The following TBXAS1 variants were observed in gnomAD, a reference collection of about 807,000 sequenced individuals.
TBXAS1 encodes the protein thromboxane A synthase 1.
A neutral mutation model predicts 60.7 loss-of-function variants in TBXAS1; 48 were observed. The ratio of observed to expected loss-of-function variants is 0.79; its 90% confidence interval spans 0.63 to 1.01. The LOEUF (loss-of-function observed/expected upper bound fraction) is 1.01, where lower values mean the gene tolerates loss of function less well. Ranked by LOEUF, TBXAS1 falls within the 50% of genes least tolerant of loss-of-function variation. TBXAS1 has a pLI of 0.00. For missense variants in TBXAS1, 685 were observed against 686.3 expected (o/e 1.00, Z 0.02); for synonymous variants, 287 against 269.7 (o/e 1.06, Z -0.63).
At position 139,882,323 on chromosome 7, in the gene TBXAS1, GGT is replaced by G. The variant is rs8192815; in HGVS notation, c.236+6688_236+6689del. ...GAACATGTGGCTGAGGATAGGGTAG[GGT>G]GGAAACTATTGCTGATTTGTCCAAG... On this transcript the variant is annotated intron_variant, in intron 3 of 12. Transcript: ENST00000448866. Among the ~76,000 whole-genome samples, 199 of 152,280 alleles carry G rather than the reference GGT, an allele frequency of 1.3e-3. 1 individual carries two copies. The East Asian group carries it at 0.026, about 20-fold the overall frequency.
intron 3 of TBXAS1, among the ~76,000 whole-genome samples, chr7:139,783,839 C>G (rs143131884): frequency 0.016 from 2,398 of 152,230 alleles, 23 homozygotes; most frequent in Non-Finnish European, 0.027. Context: ...ACTCTTTGCT[C>G]TGAGGTTGCC....
intron 5 of TBXAS1, among the ~76,000 whole-genome samples, chr7:139,939,958 G>A (rs141007363): frequency 6.6e-5 from 10 of 152,358 alleles, no homozygotes; most frequent in Middle Eastern, 3.4e-3. Flanking sequence ...TCTGTTTCAT[G>A]CTCCATAGAT....
At chr7:139,790,719 T>A (rs1198497229) in intron 4 of TBXAS1, among the ~76,000 whole-genome samples, 1 of 152,246 alleles carries the variant, frequency 6.6e-6, no homozygotes. Flanking sequence ...GGCTTAGGAC[T>A]CCATATTACA....
At chr7:139,827,229 G>A (rs563852482), upstream of TBXAS1, among the ~76,000 whole-genome samples, 4 of 152,286 alleles carry the variant, frequency 2.6e-5, no homozygotes, top group South Asian at 2.1e-4. Flanking sequence ...AAATGTACCT[G>A]TGACCATCCT....
chr7:139,951,593 TAAAAAAAAAA>T (rs66551791), intron 5 of TBXAS1, among the ~76,000 whole-genome samples: 108 of 66,314 alleles, frequency 1.6e-3, no homozygotes, highest in South Asian at 9.8e-3. Flanking sequence ...CCGTCTCTAC[TAAAAAAAAAA>T]AAAAAAAAAA....
At chr7:139,886,386 A>ATTT (rs8192818) in intron 3 of TBXAS1, among the ~76,000 whole-genome samples, 18 of 99,624 alleles carry the variant, frequency 1.8e-4, no homozygotes, top group Non-Finnish European at 2.6e-4. Context: ...TTGCAGATGA[A>ATTT]TTTTTTTTTT....
chr7:139,894,926 G>T (rs1475947631), intron 3 of TBXAS1, among the ~76,000 whole-genome samples: 1 of 152,202 alleles, frequency 6.6e-6, no homozygotes, highest in African/African-American at 2.4e-5. Context: ...CCCAAAGAAA[G>T]CTGACATCTA....
At chr7:139,943,734 A>G (rs1233149154) in intron 5 of TBXAS1, among the ~76,000 whole-genome samples, 1 of 152,176 alleles carries the variant, frequency 6.6e-6, no homozygotes, top group East Asian at 1.9e-4. Context: ...CATAAAAAGG[A>G]GTCGTGGATG....
intron 1 of TBXAS1, among the ~76,000 whole-genome samples, chr7:139,840,844 C>T (rs1241727241): frequency 6.6e-6 from 1 of 152,210 alleles, no homozygotes; most frequent in Non-Finnish European, 1.5e-5. Flanking sequence ...GAGAGCGCCT[C>T]GGAGGTCGTG....
intron 9 of TBXAS1, among the ~76,000 whole-genome samples, chr7:139,965,486 G>A (rs912324044): frequency 6.6e-6 from 1 of 152,090 alleles, no homozygotes; most frequent in Admixed American, 6.6e-5. Flanking sequence ...CCAGGCTGGA[G>A]TGCAGTGGCA....
At chr7:139,912,186 T>C (rs962789476) in intron 4 of TBXAS1, among the ~76,000 whole-genome samples, 4 of 152,114 alleles carry the variant, frequency 2.6e-5, no homozygotes, top group African/African-American at 9.7e-5. Context: ...TGGGAGGGGC[T>C]CCAGTGAGCT....
Position 139,999,532 on chromosome 7 carries a change from CAG to C in TBXAS1, c.1135-7558_1135-7557del, listed in dbSNP as rs545066801. ...GAGCAAGACTCTGTCTCCAAAAAAC[CAG>C]TTGCAAGGGTGAGGGGCTTTGCCTC... is the stretch of plus-strand genomic sequence containing the variant. On this transcript the variant is annotated intron_variant, in intron 9 of 12. Transcript: ENST00000448866. This position sits in a 1 kb window ranked among gnomAD's most constrained non-coding sequence, Gnocchi z 4.3. Among the ~76,000 whole-genome samples, 859 of 152,286 alleles carry C rather than the reference CAG, an allele frequency of 5.6e-3. 1 individual carries two copies. Among genetic ancestry groups the C allele is most frequent in the Middle Eastern group, 0.01 (3 of 294 alleles).
intron 4 of TBXAS1, among the ~76,000 whole-genome samples, chr7:139,801,430 A>G (rs1429787550): frequency 6.6e-6 from 1 of 151,414 alleles, no homozygotes; most frequent in African/African-American, 2.4e-5. Flanking sequence ...CTGTCTTTCT[A>G]TGTCTAGACC....
chr7:139,784,016 T>TG (rs1200388223), intron 3 of TBXAS1, among the ~76,000 whole-genome samples: 1 of 151,198 alleles, frequency 6.6e-6, no homozygotes, highest in African/African-American at 2.4e-5. Flanking sequence ...TTTTTGTTTT[T>TG]TTTTTTTTTG....
chr7:139,836,048 AAAT>A, intron 1 of TBXAS1, among the ~76,000 whole-genome samples: 1 of 141,912 alleles, frequency 7.0e-6, no homozygotes, highest in Non-Finnish European at 1.5e-5. Flanking sequence ...ATAAATAAAT[AAAT>A]AAATAAATAA....
rs1569511435 is a variant in TBXAS1, at chr7:139,905,035, CTTTCTTTCTT to C, written c.237-6188_237-6179del. On this transcript the variant is annotated intron_variant, in intron 3 of 12. Coordinates refer to ENST00000448866, the MANE Select transcript of TBXAS1 (RefSeq NM_001061.7). ...TCTTTCTTTCTTTCTTTCTTTCTTT[CTTTCTTTCTT>C]TCTTTCTTTCTTTCTCTCTCTCTCT... 5.1e-3 allele frequency among the ~76,000 whole-genome samples: 441 copies of C among 86,702 alleles called. 7 individuals are homozygous for C. Among genetic ancestry groups the C allele is most frequent in the African/African-American group, 0.022 (413 of 18,538 alleles). The allele number at this position is 86,702 out of a possible 152,430, so 56.9% of individuals were successfully genotyped here. A position where few individuals can be genotyped will look rare whatever the true frequency, so the allele number is the denominator to read the frequency against.
At chr7:139,898,315 CAAG>C (rs1373179537) in intron 3 of TBXAS1, among the ~76,000 whole-genome samples, 16 of 147,870 alleles carry the variant, frequency 1.1e-4, no homozygotes, top group African/African-American at 4.0e-4. Flanking sequence ...GTCACGGAGA[CAAG>C]AAGTTCTCAG....
intron 9 of TBXAS1, among the ~76,000 whole-genome samples, chr7:140,001,015 C>T (rs555261556): frequency 3.3e-5 from 5 of 152,338 alleles, no homozygotes; most frequent in East Asian, 1.9e-4. Flanking sequence ...ACTGTCCTGA[C>T]GACTGGCCCA....
chr7:139,957,407 T>C (rs180948376), intron 7 of TBXAS1, among the ~76,000 whole-genome samples: 3 of 152,260 alleles, frequency 2.0e-5, no homozygotes, highest in East Asian at 1.9e-4. Context: ...ACTCGATTAA[T>C]TGCACAGATG....
Sources: gnomAD v4.1 joint callset for allele counts (sites outside exome capture counted in the v4.1 genomes callset) on GRCh38, gnomAD v4.1.1 for gene constraint, Gnocchi (gnomAD v3.1) non-coding constraint, MANE v1.5 for transcripts, NCBI Gene and HGNC (gene_info 2026-07-23, HGNC 2026-07-21) for gene names.